COL21A1: variants seen among roughly 807,000 people sequenced by gnomAD.
The protein encoded by COL21A1 is collagen alpha-1(XXI) chain.
In COL21A1, 149 loss-of-function variants were observed where a neutral mutation model predicts 137.9. The observed-to-expected ratio is 1.08, with a 90% CI of 0.95 to 1.24. The LOEUF (loss-of-function observed/expected upper bound fraction) is 1.24, where lower values mean the gene tolerates loss of function less well. Ranked by LOEUF, COL21A1 falls within the 50% of genes most tolerant of loss-of-function variation. COL21A1 has a pLI of 0.00. For synonymous variants in COL21A1, 456 were observed against 391.5 expected (o/e 1.16, Z -1.95); for missense variants, 1,167 against 1,158.4 (o/e 1.01, Z -0.11).
chr6:56,237,687 G>A (rs79509693), intron 1 of COL21A1, among the ~76,000 whole-genome samples: 3 of 151,994 alleles, frequency 2.0e-5, no homozygotes, highest in Admixed American at 6.6e-5. Flanking sequence ...CAAAAATGTC[G>A]AATGTGAAAT....
At chr6:56,162,486 G>C (rs77769693) in intron 9 of COL21A1, among the ~76,000 whole-genome samples, 10,146 of 152,222 alleles carry the variant, frequency 0.067, 394 homozygotes, top group Admixed American at 0.11. Flanking sequence ...ATTTCGTGTA[G>C]AAAGTACATG....
Position 56,074,278 on chromosome 6 carries a change from A to T in COL21A1, c.1919T>A (p.Met640Lys). 1 of 1,585,842 alleles carries T rather than the reference A, an allele frequency of 6.3e-7. No individual in the cohort carries two copies. ...KKGAPGMPGL[M>K]GSNGSPGQPG... is the part of the protein sequence containing the mutation. ...CTGGCCTGGTGAGCCATTGCTTCCC[A>T]TTAAACCCTACAATTTTAAAAAGGA... Residue 640 changes from methionine (M) to lysine (K), a missense_variant, in exon 20 of 30, where the codon ATG becomes AAG. By Grantham distance (95) the Met-to-Lys change is moderately conservative (BLOSUM62 -1). Coordinates refer to ENST00000244728, the MANE Select transcript of COL21A1 (RefSeq NM_030820.4).
chr6:56,282,487 G>A (rs887016449), intron 1 of COL21A1, among the ~76,000 whole-genome samples: 4 of 152,168 alleles, frequency 2.6e-5, no homozygotes, highest in African/African-American at 9.7e-5. Flanking sequence ...TATGAAATAT[G>A]TTCAGTCAGA....
chr6:56,135,682 A>G (rs1773944614), intron 12 of COL21A1, among the ~76,000 whole-genome samples: 1 of 152,152 alleles, frequency 6.6e-6, no homozygotes, highest in Non-Finnish European at 1.5e-5. Context: ...GGTAATGCCT[A>G]AATAATAATA....
chr6:56,128,245 G>A lies in COL21A1; in HGVS notation c.1543-2096C>T, dbSNP rs551979192. ...CTGAAGACTCCTCACTCAACACTGA[G>A]GAACACAGCTGAAGCAGGGTGTAGC... is the stretch of plus-strand genomic sequence containing the variant. On this transcript the variant is annotated intron_variant, in intron 12 of 29. Coordinates refer to ENST00000244728, the MANE Select transcript of COL21A1 (RefSeq NM_030820.4). Among the ~76,000 whole-genome samples, 14 of 152,326 alleles carry A rather than the reference G, an allele frequency of 9.2e-5. No homozygotes were observed. In the South Asian group the frequency reaches 2.7e-3, roughly 29 times the overall value.
chr6:56,163,680 G>A (rs971402599), intron 9 of COL21A1, among the ~76,000 whole-genome samples: 3 of 148,644 alleles, frequency 2.0e-5, no homozygotes, highest in Non-Finnish European at 4.4e-5. Flanking sequence ...CTGCACTCCA[G>A]CTGGCGATAG....
chr6:56,259,629 A>G (rs1341820721), intron 1 of COL21A1, among the ~76,000 whole-genome samples: 1 of 152,234 alleles, frequency 6.6e-6, no homozygotes, highest in Non-Finnish European at 1.5e-5. Context: ...GGCACATCCA[A>G]TATAGTCTTC....
At chr6:56,126,014 A>T in intron 13 of COL21A1, 82 bp downstream of exon 13, 1 of 742,454 alleles carries the variant, frequency 1.3e-6, no homozygotes, top group Non-Finnish European at 2.2e-6. Flanking sequence ...ATTTATTTAT[A>T]ACATATTTGT....
At position 56,141,732 on chromosome 6, in the gene COL21A1, T is replaced by A; in HGVS notation, c.1542+53A>T. 5 of 1,556,888 alleles carry A rather than the reference T, an allele frequency of 3.2e-6. No individual in the cohort carries two copies. The South Asian group carries it at 4.5e-5, about 14-fold the overall frequency. Reference sequence around the variant, plus strand: ...TGAATGGAAACCATCACAGCTAACATCCTTTATCTTTGAGGGACTAACACC... The same window carrying A: ...TGAATGGAAACCATCACAGCTAACAACCTTTATCTTTGAGGGACTAACACC... On this transcript the variant is annotated intron_variant, in intron 12 of 29. Coordinates refer to ENST00000244728, the MANE Select transcript of COL21A1 (RefSeq NM_030820.4).
rs1443353820 is a variant in COL21A1, at chr6:56,112,680, CTTTTTTCTTTT to C, written c.1759-11166_1759-11156del. Among the ~76,000 whole-genome samples the C allele has an allele frequency of 2.0e-4, 26 of 129,678 alleles. 2 individuals are homozygous for C. The Admixed American group carries it at 2.0e-3, about 10-fold the overall frequency. The allele number at this position is 129,678 out of a possible 152,430, so 85.1% of individuals were successfully genotyped here. A position where few individuals can be genotyped will look rare whatever the true frequency, so the allele number is the denominator to read the frequency against. ...CACAGAAGAAGTTTTTTTTTCTTTT[CTTTTTTCTTTT>C]TTTTTTTTTTGAGACGGAGTTTCGC... On this transcript the variant is annotated intron_variant, in intron 16 of 29. Coordinates refer to ENST00000244728, the MANE Select transcript of COL21A1 (RefSeq NM_030820.4).
chr6:56,251,767 A>G (rs1782861967), upstream of COL21A1, among the ~76,000 whole-genome samples: 1 of 152,228 alleles, frequency 6.6e-6, no homozygotes, highest in African/African-American at 2.4e-5. Flanking sequence ...GCAGTTCTCA[A>G]ATGCTCTCTC....
intron 3 of COL21A1, among the ~76,000 whole-genome samples, chr6:56,173,865 A>T (rs1777247929): frequency 6.6e-6 from 1 of 152,206 alleles, no homozygotes; most frequent in Non-Finnish European, 1.5e-5. Context: ...CATACAGAAT[A>T]TTCCACCAAA....
intron 17 of COL21A1, chr6:56,078,191 G>A (rs1365153069): frequency 2.2e-6 from 1 of 455,794 alleles, no homozygotes. Context: ...GCACATGTCT[G>A]TAGCAACATT....
At chr6:56,392,168 C>T (rs1468040504) in intron 1 of COL21A1, among the ~76,000 whole-genome samples, 2 of 152,048 alleles carry the variant, frequency 1.3e-5, no homozygotes, top group East Asian at 1.9e-4. Flanking sequence ...GGGATTCATC[C>T]CATGGATGCC....
At chr6:56,059,364 A>C in intron 28 of COL21A1, 122 bp from the exon 29 acceptor site, 1 of 594,566 alleles carries the variant, frequency 1.7e-6, no homozygotes, top group Non-Finnish European at 2.8e-6. Flanking sequence ...CTTGCCATCT[A>C]TTTTTTCTTA....
rs551826538 is a variant in COL21A1, at chr6:56,275,090, C to T, written c.-38-92434G>A. ...TGCAACCATCTGATCTTTGTCTAAGCTGACAAAAAACAAGCAATTAGGAAA... is the reference window on the plus strand; with the variant it reads ...TGCAACCATCTGATCTTTGTCTAAGTTGACAAAAAACAAGCAATTAGGAAA... On this transcript the variant is annotated intron_variant, in intron 1 of 28. Coordinates refer to the COL21A1 transcript ENST00000370819. 9.9e-5 allele frequency among the ~76,000 whole-genome samples: 15 copies of T among 152,226 alleles called. No homozygotes were observed. In the South Asian group the frequency reaches 3.1e-3, roughly 32 times the overall value.
At chr6:56,226,470 T>C (rs1781203157) in intron 1 of COL21A1, among the ~76,000 whole-genome samples, 1 of 152,064 alleles carries the variant, frequency 6.6e-6, no homozygotes, top group Non-Finnish European at 1.5e-5. Flanking sequence ...TTATATATTA[T>C]ATCAATATAA....
At chr6:56,370,262 T>G (rs560175687) in intron 1 of COL21A1, among the ~76,000 whole-genome samples, 2 of 152,212 alleles carry the variant, frequency 1.3e-5, no homozygotes, top group Admixed American at 6.5e-5. Context: ...CAGATCCCGA[T>G]CTGGAAAAAC....
At chr6:56,173,342 C>A in intron 3 of COL21A1, among the ~76,000 whole-genome samples, 1 of 150,264 alleles carries the variant, frequency 6.7e-6, no homozygotes, top group South Asian at 2.1e-4. Context: ...CATGCCACTG[C>A]ACTCCAGCCT....
Sources: allele counts gnomAD v4.1 joint callset (sites outside exome capture counted in the v4.1 genomes callset), GRCh38; gene constraint gnomAD v4.1.1; transcripts MANE v1.5; gene names NCBI Gene and HGNC (gene_info 2026-07-23, HGNC 2026-07-21).